NAALADL2: variants seen among roughly 807,000 people sequenced by gnomAD.
The protein encoded by NAALADL2 is inactive N-acetylated-alpha-linked acidic dipeptidase-like protein 2.
In NAALADL2, 76 loss-of-function variants were observed where a neutral mutation model predicts 87.2. The observed-to-expected ratio is 0.87, with a 90% CI of 0.72 to 1.05. NAALADL2 has a LOEUF of 1.05. NAALADL2 is among the 50% of genes least tolerant of loss of function. The pLI, the probability that NAALADL2 is intolerant of heterozygous loss-of-function variation, is 0.00. For missense variants in NAALADL2, 1,089 were observed against 945.8 expected (o/e 1.15, Z -1.99); for synonymous variants, 354 against 331.0 (o/e 1.07, Z -0.75).
intron 2 of NAALADL2, among the ~76,000 whole-genome samples, chr3:175,228,266 T>C (rs1293442220): frequency 6.6e-6 from 1 of 151,944 alleles, no homozygotes; most frequent in Non-Finnish European, 1.5e-5. Context: ...ATTATGAAAG[T>C]CTGTGGAAGA....
chr3:175,396,741 C>T (rs1769846207), intron 5 of NAALADL2, among the ~76,000 whole-genome samples: 1 of 152,006 alleles, frequency 6.6e-6, no homozygotes, highest in Non-Finnish European at 1.5e-5. Context: ...TGGTTATGTC[C>T]ATGCTGTTCT....
At chr3:174,820,129 T>G (rs1227771006) in intron 3 of NAALADL2, among the ~76,000 whole-genome samples, 2 of 152,176 alleles carry the variant, frequency 1.3e-5, no homozygotes, top group African/African-American at 2.4e-5. Flanking sequence ...TAGGAATCAC[T>G]TCTAGAAAAT....
At chr3:175,256,693 T>A (rs1750007238) in intron 4 of NAALADL2, 163 bp downstream of exon 4, 4 of 507,644 alleles carry the variant, frequency 7.9e-6, no homozygotes, top group Non-Finnish European at 1.3e-5. Context: ...GAAAGATGGC[T>A]TTTCCACATT....
intron 2 of NAALADL2, among the ~76,000 whole-genome samples, chr3:175,154,774 T>G (rs1732054191): frequency 6.6e-6 from 1 of 152,156 alleles, no homozygotes; most frequent in African/African-American, 2.4e-5. Flanking sequence ...ATTAAGAATA[T>G]AGATAAATTA....
At chr3:174,664,891 A>C (rs866823291) in intron 2 of NAALADL2, among the ~76,000 whole-genome samples, 1 of 152,200 alleles carries the variant, frequency 6.6e-6, no homozygotes, top group African/African-American at 2.4e-5. Flanking sequence ...GGAACCAACA[A>C]AGTCCCCTAG....
At chr3:175,451,660 A>G (rs1159968811) in intron 6 of NAALADL2, among the ~76,000 whole-genome samples, 1 of 152,132 alleles carries the variant, frequency 6.6e-6, no homozygotes, top group African/African-American at 2.4e-5. Flanking sequence ...AAACATTTTA[A>G]GATATTTGAT....
At chr3:174,582,962 A>G (rs188207572) in intron 2 of NAALADL2, among the ~76,000 whole-genome samples, 1 of 152,332 alleles carries the variant, frequency 6.6e-6, no homozygotes, top group African/African-American at 2.4e-5. Flanking sequence ...GAAAAAGGAA[A>G]TGTCTAAGTT....
intron 4 of NAALADL2, among the ~76,000 whole-genome samples, chr3:175,273,132 C>T (rs1399642385): frequency 2.0e-5 from 3 of 151,870 alleles, no homozygotes; most frequent in African/African-American, 7.3e-5. Context: ...AATTGCAAAA[C>T]ATTAGGTTTC....
At chr3:175,589,864 A>G (rs186002433) in intron 10 of NAALADL2, among the ~76,000 whole-genome samples, 149 of 151,698 alleles carry the variant, frequency 9.8e-4, no homozygotes, top group Non-Finnish European at 1.5e-3. Flanking sequence ...GTGGCAGAGC[A>G]TGAGAGTACT....
intron 11 of NAALADL2, among the ~76,000 whole-genome samples, chr3:175,703,412 T>C (rs1368112050): frequency 2.0e-5 from 3 of 152,194 alleles, no homozygotes; most frequent in Non-Finnish European, 2.9e-5. Flanking sequence ...TGTACTATAA[T>C]TAATGTTTTC....
chr3:175,605,652 T>TTGTTTTTTG (rs1345977027), intron 10 of NAALADL2, among the ~76,000 whole-genome samples: 1 of 150,614 alleles, frequency 6.6e-6, no homozygotes, highest in African/African-American at 2.4e-5. Flanking sequence ...TTTTTTTTTT[T>TTGTTTTTTG]TTTTAACTGT....
rs113806607 is a variant in NAALADL2, at chr3:175,343,655, G to GTTTTTTTTTTT, written c.1090+19341_1090+19351dup. ...TGGAGTTCCTGTGTGTCTTGATCAT[G>GTTTTTTTTTTT]TTTTTTTTTTTTTTTTTTTTTCCCT... On this transcript the variant is annotated intron_variant, in intron 5 of 13. Coordinates refer to ENST00000454872, the MANE Select transcript of NAALADL2 (RefSeq NM_207015.3). Among the ~76,000 whole-genome samples, 291 of 64,684 alleles carry GTTTTTTTTTTT rather than the reference G, an allele frequency of 4.5e-3. 26 individuals are homozygous for GTTTTTTTTTTT. Among genetic ancestry groups the GTTTTTTTTTTT allele is most frequent in the African/African-American group, 0.011 (241 of 21,828 alleles). 42.4% of individuals were successfully genotyped at this position (64,684 alleles called of 152,430 possible).
chr3:175,440,937 T>A (rs536984378), intron 5 of NAALADL2, among the ~76,000 whole-genome samples: 1 of 152,268 alleles, frequency 6.6e-6, no homozygotes, highest in East Asian at 1.9e-4. Flanking sequence ...AAATTTGTTA[T>A]TTAGAAATAG....
At chr3:175,005,405 C>G (rs1579973341) in intron 1 of NAALADL2, among the ~76,000 whole-genome samples, 2 of 152,280 alleles carry the variant, frequency 1.3e-5, no homozygotes, top group East Asian at 3.9e-4. Flanking sequence ...TTTATAATAA[C>G]CTATTTTTAT....
chr3:174,681,350 C>T (rs924969331), intron 2 of NAALADL2, among the ~76,000 whole-genome samples: 1 of 152,266 alleles, frequency 6.6e-6, no homozygotes, highest in African/African-American at 2.4e-5. Context: ...CCTAGTGAGA[C>T]GTCAGCTGGG....
chr3:175,756,076 C>A (rs1747232079), intron 13 of NAALADL2, among the ~76,000 whole-genome samples: 1 of 151,778 alleles, frequency 6.6e-6, no homozygotes, highest in African/African-American at 2.4e-5. Context: ...ATTATGGTAC[C>A]CATCAATCAT....
chr3:174,638,564 G>T (rs990471411), intron 2 of NAALADL2, among the ~76,000 whole-genome samples: 1 of 152,030 alleles, frequency 6.6e-6, no homozygotes, highest in African/African-American at 2.4e-5. Context: ...TGGCATAGGA[G>T]ATGTTGAAGA....
chr3:175,634,727 G>A (rs1171718197), intron 11 of NAALADL2, among the ~76,000 whole-genome samples: 1 of 151,814 alleles, frequency 6.6e-6, no homozygotes, highest in African/African-American at 2.4e-5. Context: ...TGAAAATATT[G>A]TATTCTATTT....
At chr3:175,098,072 C>G (rs1378911075) in intron 2 of NAALADL2, among the ~76,000 whole-genome samples, 1 of 152,014 alleles carries the variant, frequency 6.6e-6, no homozygotes, top group Non-Finnish European at 1.5e-5. Context: ...TGCTGAAATA[C>G]CAGGTGTATT....
Sources: allele counts gnomAD v4.1 joint callset (sites outside exome capture counted in the v4.1 genomes callset), GRCh38; gene constraint gnomAD v4.1.1; transcripts MANE v1.5; gene names NCBI Gene and HGNC (gene_info 2026-07-23, HGNC 2026-07-21).